FUT9: variants seen among roughly 807,000 people sequenced by gnomAD.
FUT9 encodes the protein fucosyltransferase 9, also known as 4-galactosyl-N-acetylglucosaminide 3-alpha-L-fucosyltransferase 9.
A neutral mutation model predicts 29.7 loss-of-function variants in FUT9; 15 were observed. That is an observed-to-expected ratio of 0.51 (90% CI 0.34 to 0.78). The LOEUF (loss-of-function observed/expected upper bound fraction) is 0.78, where lower values mean the gene tolerates loss of function less well. FUT9 is among the 30% of genes least tolerant of loss of function. FUT9 has a pLI of 0.01. For synonymous variants in FUT9, 169 were observed against 153.7 expected, an observed-to-expected ratio of 1.10 and a Z score of -0.74; for missense variants, 319 against 425.4, an observed-to-expected ratio of 0.75 and a Z score of 2.20.
chr6:96,020,417 T>C (rs138182610), intron 1 of FUT9, among the ~76,000 whole-genome samples: 239 of 152,266 alleles, frequency 1.6e-3, no homozygotes, highest in African/African-American at 5.6e-3. Flanking sequence ...GTTTATTTAT[T>C]TTTAAATTTT....
At chr6:96,141,886 A>G (rs751374220) in intron 2 of FUT9, among the ~76,000 whole-genome samples, 26 of 152,088 alleles carry the variant, frequency 1.7e-4, no homozygotes, top group Non-Finnish European at 1.9e-4. Flanking sequence ...ACAGTTTAAA[A>G]TTTCTCTCTT....
Position 96,016,025 on chromosome 6 carries a change from G to A in FUT9, c.-285G>A, listed in dbSNP as rs1297751859. 1 of 152,218 alleles carries A rather than the reference G, an allele frequency of 6.6e-6. No homozygotes were observed. Among genetic ancestry groups the A allele is most frequent in the East Asian group, 2.0e-4 (1 of 5,120 alleles). The allele number at this position is 152,218 out of a possible 1,614,324, so 9.4% of individuals were successfully genotyped here. ...CGGAGATGGGCAGAGAGCGCGCGCGGCGCAGCAGCTCCAGATTCACTGCTC... is the reference window on the plus strand; with the variant it reads ...CGGAGATGGGCAGAGAGCGCGCGCGACGCAGCAGCTCCAGATTCACTGCTC... On this transcript the variant is annotated 5_prime_UTR_variant, in exon 1 of 3. Transcript: ENST00000302103.
intron 2 of FUT9, among the ~76,000 whole-genome samples, chr6:96,142,878 G>A (rs1772490919): frequency 2.0e-5 from 3 of 151,716 alleles, no homozygotes; most frequent in Admixed American, 2.0e-4. Flanking sequence ...ATATACATAG[G>A]ATTATCAAGA....
chr6:96,139,684 C>A (rs1268277703), intron 2 of FUT9, among the ~76,000 whole-genome samples: 3 of 152,166 alleles, frequency 2.0e-5, no homozygotes, highest in African/African-American at 7.2e-5. Flanking sequence ...CTTCTGTGCA[C>A]CCACAGGCTC....
intron 1 of FUT9, among the ~76,000 whole-genome samples, chr6:96,052,981 C>A (rs1582196147): frequency 6.6e-6 from 1 of 151,070 alleles, no homozygotes; most frequent in South Asian, 2.1e-4. Flanking sequence ...TGTCTTCATT[C>A]AATCACCATC....
chr6:96,130,810 C>T (rs932823926), intron 2 of FUT9, among the ~76,000 whole-genome samples: 2 of 152,150 alleles, frequency 1.3e-5, no homozygotes, highest in Non-Finnish European at 2.9e-5. Context: ...TTACAATGTA[C>T]GAGGAAACTC....
chr6:96,107,309 AT>A (rs1217074213), intron 1 of FUT9, among the ~76,000 whole-genome samples: 2 of 152,236 alleles, frequency 1.3e-5, no homozygotes, highest in Non-Finnish European at 2.9e-5. Context: ...AGCACCTAAC[AT>A]AATAGGGATT....
Position 96,086,852 on chromosome 6 carries a change from A to G in FUT9, c.-97-27187A>G, listed in dbSNP as rs577946699. Among the ~76,000 whole-genome samples the G allele has an allele frequency of 5.3e-5, 8 of 152,286 alleles. No individual in the cohort carries two copies. In the South Asian group the frequency reaches 1.7e-3, roughly 32 times the overall value. ...TTTTGTCCTCACACTAAAGGAAGAT[A>G]CTGTCTGAACTAAGGTATTAAAAGG... On this transcript the variant is annotated intron_variant, in intron 1 of 2. Coordinates refer to ENST00000302103, the MANE Select transcript of FUT9 (RefSeq NM_006581.4).
At chr6:96,189,835 A>G (rs564863206) in intron 2 of FUT9, among the ~76,000 whole-genome samples, 3 of 152,144 alleles carry the variant, frequency 2.0e-5, no homozygotes, top group Non-Finnish European at 2.9e-5. Flanking sequence ...AATACAGCAC[A>G]CTCATGGGTC....
chr6:96,143,628 A>T (rs1772507013), intron 2 of FUT9, among the ~76,000 whole-genome samples: 1 of 152,042 alleles, frequency 6.6e-6, no homozygotes, highest in Non-Finnish European at 1.5e-5. Flanking sequence ...TATTAGAAAT[A>T]CCACATCCTC....
At chr6:96,088,012 A>G (rs2127952892) in intron 1 of FUT9, among the ~76,000 whole-genome samples, 1 of 152,280 alleles carries the variant, frequency 6.6e-6, no homozygotes, top group South Asian at 2.1e-4. Flanking sequence ...CAGTACTTTA[A>G]TGATGTTTCC....
At chr6:96,160,293 A>T (rs892613059) in intron 2 of FUT9, among the ~76,000 whole-genome samples, 2 of 151,564 alleles carry the variant, frequency 1.3e-5, no homozygotes, top group African/African-American at 4.8e-5. Flanking sequence ...ACTGTGAGTA[A>T]AGTTCTCAAA....
At chr6:96,132,086 G>T (rs1480498049) in intron 2 of FUT9, among the ~76,000 whole-genome samples, 1 of 151,938 alleles carries the variant, frequency 6.6e-6, no homozygotes, top group Non-Finnish European at 1.5e-5. Flanking sequence ...TCTACAAAAT[G>T]CCCACGTTAC....
At chr6:96,134,673 C>A (rs1251991643) in intron 2 of FUT9, among the ~76,000 whole-genome samples, 2 of 151,812 alleles carry the variant, frequency 1.3e-5, no homozygotes, top group African/African-American at 2.4e-5. Context: ...ACAGATACAT[C>A]ATTAACTACA....
chr6:96,073,630 A>G (rs1771099205), intron 1 of FUT9, among the ~76,000 whole-genome samples: 3 of 152,292 alleles, frequency 2.0e-5, no homozygotes, highest in Middle Eastern at 3.4e-3. Context: ...GTATCTTGCT[A>G]TTAATTAAAA....
At position 96,077,829 on chromosome 6, in the gene FUT9, T is replaced by C. The variant is rs184467629; in HGVS notation, c.-97-36210T>C. 3.7e-4 allele frequency among the ~76,000 whole-genome samples: 57 copies of C among 152,340 alleles called. 2 individuals carry two copies. Among genetic ancestry groups the C allele is most frequent in the East Asian group, 2.7e-3 (14 of 5,180 alleles). ...AACTAATAATGTAGTCAATGCTTAA[T>C]AGCCAGTGTTTTGTGGTTAAGAATA... On this transcript the variant is annotated intron_variant, in intron 1 of 2. Transcript: ENST00000302103.
chr6:96,065,417 A>T (rs990882696), intron 1 of FUT9, among the ~76,000 whole-genome samples: 5 of 152,068 alleles, frequency 3.3e-5, no homozygotes, highest in African/African-American at 9.7e-5. Context: ...ACTTGGAAAA[A>T]ATATGTTTAT....
chr6:96,087,402 C>T (rs578161829), intron 1 of FUT9, among the ~76,000 whole-genome samples: 8 of 129,578 alleles, frequency 6.2e-5, no homozygotes, highest in African/African-American at 2.3e-4. Flanking sequence ...GACTCTCACT[C>T]TGTTACCAGG....
chr6:96,037,946 A>C lies in FUT9; in HGVS notation c.-98+21734A>C, dbSNP rs150535428. On this transcript the variant is annotated intron_variant, in intron 1 of 2. Transcript: ENST00000302103. ...GGGCTATGATTCTGAAGGTATTAGA[A>C]GTTTCCAGACAAGTGAGCTAACTTG... is the stretch of plus-strand genomic sequence containing the variant. 3.1e-3 allele frequency among the ~76,000 whole-genome samples: 469 copies of C among 152,124 alleles called. 3 individuals are homozygous for C. The highest frequency in any genetic ancestry group is 0.011 in the African/African-American group (449 of 41,496).
Sources: gnomAD v4.1 joint callset for allele counts (sites outside exome capture counted in the v4.1 genomes callset) on GRCh38, gnomAD v4.1.1 for gene constraint, MANE v1.5 for transcripts, NCBI Gene and HGNC (gene_info 2026-07-23, HGNC 2026-07-21) for gene names.